The following SMOC2 variants were observed in gnomAD, a reference collection of about 807,000 sequenced individuals.
The protein encoded by SMOC2 is SPARC-related modular calcium-binding protein 2.
A neutral mutation model predicts 61.4 loss-of-function variants in SMOC2; 39 were observed. That is an observed-to-expected ratio of 0.64 (90% CI 0.49 to 0.83). SMOC2 has a LOEUF of 0.83. Ranked by LOEUF, SMOC2 falls within the 40% of genes least tolerant of loss-of-function variation. The pLI, the probability that SMOC2 is intolerant of heterozygous loss-of-function variation, is 0.00. For missense variants in SMOC2, 556 were observed against 592.9 expected (o/e 0.94, Z 0.65); for synonymous variants, 247 against 239.9 (o/e 1.03, Z -0.27).
chr6:168,576,553 C>T (rs917499627), intron 7 of SMOC2, among the ~76,000 whole-genome samples: 1 of 152,072 alleles, frequency 6.6e-6, no homozygotes, highest in African/African-American at 2.4e-5. Context: ...CCCTTCAGAC[C>T]TCGCTCTGAG....
chr6:168,558,937 G>A (rs9355071), intron 7 of SMOC2, among the ~76,000 whole-genome samples: 74,698 of 151,468 alleles, frequency 0.49, 20,023 homozygotes, highest in African/African-American at 0.73. Context: ...GCACGTGTGT[G>A]CGTGTGCATG....
intron 1 of SMOC2, among the ~76,000 whole-genome samples, chr6:168,483,188 CAT>C (rs1290043564): frequency 6.6e-6 from 1 of 151,956 alleles, no homozygotes; most frequent in Non-Finnish European, 1.5e-5. Flanking sequence ...TGTACACACA[CAT>C]ACACACACAC....
chr6:168,650,278 G>A (rs900546661), intron 9 of SMOC2, among the ~76,000 whole-genome samples: 1 of 152,126 alleles, frequency 6.6e-6, no homozygotes, highest in Non-Finnish European at 1.5e-5. Flanking sequence ...GGGGGTGGCG[G>A]TGAATCACAG....
At chr6:168,470,456 C>T (rs1452880982) in intron 1 of SMOC2, among the ~76,000 whole-genome samples, 1 of 152,116 alleles carries the variant, frequency 6.6e-6, no homozygotes, top group African/African-American at 2.4e-5. Context: ...CGGTGGGCTG[C>T]TTGAGTTCAA....
chr6:168,511,496 A>T (rs1157295900), intron 2 of SMOC2, among the ~76,000 whole-genome samples: 1 of 152,204 alleles, frequency 6.6e-6, no homozygotes, highest in African/African-American at 2.4e-5. Flanking sequence ...ACCTCCCACC[A>T]GGTCCCTCCC....
chr6:168,599,136 T>C, intron 8 of SMOC2, 132 bp downstream of exon 8: 4 of 796,194 alleles, frequency 5.0e-6, no homozygotes, highest in Non-Finnish European at 7.7e-6. Context: ...TCACACACAC[T>C]GATACCACAC....
chr6:168,542,572 G>T (rs1783895783), intron 4 of SMOC2, among the ~76,000 whole-genome samples: 1 of 152,178 alleles, frequency 6.6e-6, no homozygotes, highest in Non-Finnish European at 1.5e-5. Context: ...TGTTACAGAG[G>T]AGGGTTTGGG....
intron 2 of SMOC2, among the ~76,000 whole-genome samples, chr6:168,520,688 G>C (rs970261067): frequency 4.7e-4 from 71 of 152,252 alleles, no homozygotes; most frequent in African/African-American, 1.7e-3. Flanking sequence ...AGGAAGCTGA[G>C]TGGCATCAAA....
At chr6:168,623,503 T>G (rs1252723836) in intron 9 of SMOC2, among the ~76,000 whole-genome samples, 1 of 125,910 alleles carries the variant, frequency 7.9e-6, no homozygotes, top group South Asian at 2.5e-4. Flanking sequence ...ATTTATTTAT[T>G]TATTTATTTA....
At chr6:168,598,160 A>G (rs1011383148) in intron 7 of SMOC2, among the ~76,000 whole-genome samples, 1 of 151,956 alleles carries the variant, frequency 6.6e-6, no homozygotes, top group African/African-American at 2.4e-5. Flanking sequence ...TGCAGTGGAA[A>G]TTTTCACGAT....
chr6:168,512,849 C>T (rs1783040613), intron 2 of SMOC2, among the ~76,000 whole-genome samples: 1 of 152,192 alleles, frequency 6.6e-6, no homozygotes. Context: ...CACATTGACC[C>T]TCCAGTGTAC....
At chr6:168,664,352 GA>G in intron 12 of SMOC2, 1 of 405,708 alleles carries the variant, frequency 2.5e-6, no homozygotes, top group East Asian at 6.9e-5. Context: ...CATTTATTAA[GA>G]AAAATTTCTG....
chr6:168,564,750 C>T (rs1784505668), intron 7 of SMOC2, among the ~76,000 whole-genome samples: 1 of 152,204 alleles, frequency 6.6e-6, no homozygotes, highest in South Asian at 2.1e-4. Context: ...GTGTCAAGCC[C>T]ATGACAGGAG....
At chr6:168,659,547 TGGGTGAGGATGGAGGTTGTA>T in intron 11 of SMOC2, among the ~76,000 whole-genome samples, 2 of 146,622 alleles carry the variant, frequency 1.4e-5, no homozygotes, top group Admixed American at 6.8e-5. Context: ...GGTTGTTGGC[TGGGTGAGGATGGAGGTTGTA>T]GGTTGAGTCA....
At chr6:168,600,025 C>T (rs1015599478) in intron 8 of SMOC2, among the ~76,000 whole-genome samples, 2 of 152,058 alleles carry the variant, frequency 1.3e-5, no homozygotes, top group African/African-American at 4.8e-5. Context: ...GGGTGTTGCA[C>T]CTCTTCACCT....
chr6:168,466,060 G>C lies in SMOC2; in HGVS notation c.84+24606G>C, dbSNP rs58114259. On this transcript the variant is annotated intron_variant, in intron 1 of 12. Transcript: ENST00000356284. ...CGTGCTGCTCTGAGAGCTGGAACTG[G>C]GGGGCTCTGGATGAAGCGAGGTGCT... 2.1e-3 allele frequency among the ~76,000 whole-genome samples: 272 copies of C among 128,504 alleles called. 1 individual carries two copies. Among genetic ancestry groups the C allele is most frequent in the African/African-American group, 7.5e-3 (249 of 33,376 alleles). The allele number at this position is 128,504 out of a possible 152,430, so 84.3% of individuals were successfully genotyped here. A position where few individuals can be genotyped will look rare whatever the true frequency, so the allele number is the denominator to read the frequency against.
rs372869090 is a variant in SMOC2 at position 168,547,194 on chromosome 6, G to A, written c.562+25G>A. 10 of 1,610,382 alleles carry A rather than the reference G, an allele frequency of 6.2e-6. No individual in the cohort carries two copies. The African/African-American group carries it at 1.1e-4, about 17-fold the overall frequency. On this transcript the variant is annotated intron_variant, in intron 6 of 12. Coordinates refer to ENST00000356284, the MANE Select transcript of SMOC2 (RefSeq NM_001166412.2). Reference sequence around the variant, plus strand: ...GGTGAGCCGGGGTGGGGATTGCACAGTCTGGGTTGGGGAGGAGTGCGAGGG... The same window carrying A: ...GGTGAGCCGGGGTGGGGATTGCACAATCTGGGTTGGGGAGGAGTGCGAGGG...
At chr6:168,581,434 C>A (rs1206620340) in intron 7 of SMOC2, among the ~76,000 whole-genome samples, 1 of 152,172 alleles carries the variant, frequency 6.6e-6, no homozygotes, top group Non-Finnish European at 1.5e-5. Context: ...ACCTGCTGGC[C>A]AGGGACCTGC....
In SMOC2 at chr6:168,523,368, G is replaced by T. The variant is rs1393287251; in HGVS notation, c.257-2978G>T. ...CTCCCAAAGTGCTGGGATTACAGGC[G>T]TGAGCCACCGCGCCCGGCCAGTAAT... is the stretch of plus-strand genomic sequence containing the variant. On this transcript the variant is annotated intron_variant, in intron 2 of 12. Coordinates refer to ENST00000356284, the MANE Select transcript of SMOC2 (RefSeq NM_001166412.2). Among the ~76,000 whole-genome samples the T allele has an allele frequency of 3.6e-5, 5 of 138,166 alleles. No individual in the cohort carries two copies. In the East Asian group the frequency reaches 1.1e-3, roughly 31 times the overall value. 90.6% of individuals were successfully genotyped at this position (138,166 alleles called of 152,430 possible). A position where few individuals can be genotyped will look rare whatever the true frequency, so the allele number is the denominator to read the frequency against.
Sources: gnomAD v4.1 joint callset for allele counts (sites outside exome capture counted in the v4.1 genomes callset) on GRCh38, gnomAD v4.1.1 for gene constraint, MANE v1.5 for transcripts, NCBI Gene and HGNC (gene_info 2026-07-23, HGNC 2026-07-21) for gene names.